Variants in PPARGC1A observed in about 807,000 individuals in gnomAD.
PPARGC1A encodes peroxisome proliferator-activated receptor gamma coactivator 1-alpha.
Under a neutral mutation model 88.7 loss-of-function variants are expected in PPARGC1A, and 25 were observed. The observed-to-expected ratio is 0.28, with a 90% CI of 0.21 to 0.39. The LOEUF is 0.39. PPARGC1A is among the 10% of genes least tolerant of loss of function. PPARGC1A has a pLI of 1.00. For synonymous variants in PPARGC1A, 363 were observed against 355.6 expected, an observed-to-expected ratio of 1.02 and a Z score of -0.24; for missense variants, 880 against 968.7, an observed-to-expected ratio of 0.91 and a Z score of 1.22.
the PPARGC1A span, among the ~76,000 whole-genome samples, chr4:24,378,105 G>A: frequency 6.6e-6 from 1 of 152,198 alleles, no homozygotes; most frequent in South Asian, 2.1e-4. Flanking sequence ...GGGAGGCTGA[G>A]GTGGGTAGAT....
the PPARGC1A span, among the ~76,000 whole-genome samples, chr4:24,069,915 G>C: frequency 1.3e-5 from 2 of 152,170 alleles, no homozygotes; most frequent in Non-Finnish European, 2.9e-5. Context: ...CTCTAAACTA[G>C]AGACAGGATG....
At chr4:24,033,113 C>T in the PPARGC1A span, among the ~76,000 whole-genome samples, 1 of 152,154 alleles carries the variant, frequency 6.6e-6, no homozygotes, top group Non-Finnish European at 1.5e-5. Flanking sequence ...GAACAGACTA[C>T]TGGTTAAAAC....
the PPARGC1A span, among the ~76,000 whole-genome samples, chr4:24,037,197 A>G: frequency 6.6e-6 from 1 of 152,214 alleles, no homozygotes; most frequent in African/African-American, 2.4e-5. Flanking sequence ...CCTTGGCAAT[A>G]TTACCTAACA....
the PPARGC1A span, among the ~76,000 whole-genome samples, chr4:24,013,348 C>A: frequency 6.6e-6 from 1 of 152,112 alleles, no homozygotes; most frequent in Non-Finnish European, 1.5e-5. Flanking sequence ...CTACCCAATT[C>A]CCCTTTTCCT....
At chr4:24,107,681 G>T in the PPARGC1A span, among the ~76,000 whole-genome samples, 24 of 152,200 alleles carry the variant, frequency 1.6e-4, no homozygotes, top group Non-Finnish European at 2.8e-4. Flanking sequence ...ATACTGGATA[G>T]ATTATGAAGG....
the PPARGC1A span, among the ~76,000 whole-genome samples, chr4:24,359,044 T>A: frequency 6.6e-6 from 1 of 152,238 alleles, no homozygotes; most frequent in East Asian, 1.9e-4. Context: ...GACTTGCCAC[T>A]GTTGCTGTAC....
Position 23,812,884 on chromosome 4 carries a change from T to G in PPARGC1A, c.1899-17A>C. ...CTGTCATACCTGGGAAACATAACTT[T>G]ATCACTAAGTCAACCACCTCAATTT... On this transcript the variant is annotated splice_polypyrimidine_tract_variant and intron_variant, in intron 9 of 12. Transcript: ENST00000264867. The G allele has an allele frequency of 6.2e-7, 1 of 1,614,014 alleles. No homozygotes were observed. The highest frequency in any genetic ancestry group is 8.5e-7 in the Non-Finnish European group (1 of 1,179,962).
At chr4:24,029,645 C>T in the PPARGC1A span, among the ~76,000 whole-genome samples, 1 of 152,094 alleles carries the variant, frequency 6.6e-6, no homozygotes, top group Non-Finnish European at 1.5e-5. Flanking sequence ...CCTTCTCCAT[C>T]CTCCTTTGCA....
Position 23,814,163 on chromosome 4 carries a change from T to C in PPARGC1A, c.1320A>G (p.Ala440=). 2.5e-6 allele frequency: 4 copies of C among 1,614,110 alleles called. No individual in the cohort carries two copies. Among genetic ancestry groups the C allele is most frequent in the Non-Finnish European group, 2.5e-6 (3 of 1,179,976 alleles). Residue 440 remains alanine, a synonymous_variant, in exon 8 of 13, where the codon GCA becomes GCG. Coordinates refer to ENST00000264867, the MANE Select transcript of PPARGC1A (RefSeq NM_013261.5). ...DQCYLRETLE[A]SKQVSPCSTR... is the part of the protein sequence containing the mutation. ...TGCTGCAAGGAGAGACCTGCTTGCT[T>C]GCCTCCAAAGTCTCTCTCAGGTAGC...
At chr4:23,896,425 A>T (rs942257439) in intron 1 of PPARGC1A, among the ~76,000 whole-genome samples, 1 of 152,158 alleles carries the variant, frequency 6.6e-6, no homozygotes, top group African/African-American at 2.4e-5. Context: ...AATATGCATC[A>T]TATATTTAAA....
the PPARGC1A span, among the ~76,000 whole-genome samples, chr4:24,159,539 G>A: frequency 2.0e-5 from 3 of 152,010 alleles, no homozygotes; most frequent in African/African-American, 4.8e-5. Flanking sequence ...AAGTCACATA[G>A]CTTATAAATG....
At chr4:24,231,873 T>C in the PPARGC1A span, among the ~76,000 whole-genome samples, 1 of 152,162 alleles carries the variant, frequency 6.6e-6, no homozygotes, top group Admixed American at 6.5e-5. Context: ...TAGTAACCTA[T>C]TTATTTTCCA....
At chr4:23,827,086 T>C (rs965338992) in intron 5 of PPARGC1A, among the ~76,000 whole-genome samples, 9 of 152,142 alleles carry the variant, frequency 5.9e-5, no homozygotes, top group African/African-American at 2.2e-4. Context: ...CAGGAAAAAC[T>C]GTTCTAGTGC....
chr4:24,240,539 C>T, the PPARGC1A span, among the ~76,000 whole-genome samples: 4 of 152,096 alleles, frequency 2.6e-5, no homozygotes, highest in African/African-American at 9.7e-5. Context: ...ATTAAACTAC[C>T]AAAAATTCAC....
the PPARGC1A span, among the ~76,000 whole-genome samples, chr4:23,945,515 C>G: frequency 6.6e-6 from 1 of 152,042 alleles, no homozygotes; most frequent in East Asian, 1.9e-4. Flanking sequence ...GATGAGCAGA[C>G]AAGTGACCAG....
the PPARGC1A span, among the ~76,000 whole-genome samples, chr4:24,270,382 G>T: frequency 1.2e-5 from 1 of 84,296 alleles, no homozygotes; most frequent in Non-Finnish European, 2.3e-5. Context: ...GCTCTTGGGT[G>T]TTTCTCTAGA....
chr4:24,451,629 G>A, the PPARGC1A span, among the ~76,000 whole-genome samples: 1 of 152,178 alleles, frequency 6.6e-6, no homozygotes, highest in African/African-American at 2.4e-5. Context: ...CCAGGCTGGA[G>A]TGCACTGGCA....
chr4:23,955,525 G>C, the PPARGC1A span, among the ~76,000 whole-genome samples: 5 of 152,186 alleles, frequency 3.3e-5, no homozygotes, highest in Middle Eastern at 6.8e-3. Context: ...TCTAAAATCA[G>C]TTAGTTGGCA....
chr4:24,136,964 A>T, the PPARGC1A span, among the ~76,000 whole-genome samples: 45 of 152,078 alleles, frequency 3.0e-4, 1 homozygote, highest in South Asian at 9.4e-3. Flanking sequence ...AAATACAAAA[A>T]TTAGCCAGGT....
Sources: allele counts gnomAD v4.1 joint callset (sites outside exome capture counted in the v4.1 genomes callset), GRCh38; gene constraint gnomAD v4.1.1; transcripts MANE v1.5; gene names NCBI Gene and HGNC (gene_info 2026-07-23, HGNC 2026-07-21).